The following RPSA2 variants were observed in gnomAD, a reference collection of about 807,000 sequenced individuals.
RPSA2 encodes ribosomal protein SA 2.
At chr19:23,777,801 C>T in the RPSA2 span, among the ~76,000 whole-genome samples, 1 of 152,140 alleles carries the variant, frequency 6.6e-6, no homozygotes, top group African/African-American at 2.4e-5. Flanking sequence ...GCCCTGTCTA[C>T]TTAGGCTATT....
the RPSA2 span, among the ~76,000 whole-genome samples, chr19:23,847,546 A>T: frequency 6.6e-6 from 1 of 152,212 alleles, no homozygotes; most frequent in African/African-American, 2.4e-5. Flanking sequence ...AACAGGGAGT[A>T]GGTCACAAAG....
the RPSA2 span, among the ~76,000 whole-genome samples, chr19:23,835,100 A>G: frequency 2.6e-5 from 4 of 152,096 alleles, no homozygotes; most frequent in East Asian, 1.9e-4. Context: ...TTTAATGTAC[A>G]ATTAAATTGT....
the RPSA2 span, among the ~76,000 whole-genome samples, chr19:23,865,768 T>G: frequency 8.5e-5 from 13 of 152,188 alleles, no homozygotes; most frequent in Non-Finnish European, 1.8e-4. Flanking sequence ...CCTATTACCA[T>G]AAGGCTTGAT....
the RPSA2 span, chr19:23,818,020 TG>T: frequency 1.1e-4 from 16 of 152,272 alleles, no homozygotes; most frequent in African/African-American, 3.6e-4. Flanking sequence ...CATTGCTCTA[TG>T]GGAGGAGAGG....
chr19:23,774,200 C>T, the RPSA2 span, among the ~76,000 whole-genome samples: 1 of 152,192 alleles, frequency 6.6e-6, no homozygotes, highest in Admixed American at 6.5e-5. Flanking sequence ...CTCTGGGCCC[C>T]ACACCCAGGT....
the RPSA2 span, chr19:23,762,995 G>C: frequency 6.6e-6 from 1 of 152,308 alleles, no homozygotes; most frequent in African/African-American, 2.4e-5. Context: ...TTTACCTCTT[G>C]CTCCCGCCAG....
the RPSA2 span, among the ~76,000 whole-genome samples, chr19:23,844,315 A>G: frequency 5.9e-5 from 9 of 152,094 alleles, no homozygotes; most frequent in African/African-American, 1.7e-4. Context: ...TCTTGTATGT[A>G]TGGTTTGCTA....
chr19:23,768,817 A>G, the RPSA2 span, among the ~76,000 whole-genome samples: 1 of 150,740 alleles, frequency 6.6e-6, no homozygotes, highest in Non-Finnish European at 1.5e-5. Flanking sequence ...CAAACTCCTG[A>G]CCTCAGCCAA....
the RPSA2 span, chr19:23,807,966 CT>C: frequency 3.8e-6 from 1 of 265,880 alleles, no homozygotes; most frequent in Non-Finnish European, 8.0e-6. Flanking sequence ...TACAAAATTC[CT>C]TATATAAACT....
the RPSA2 span, among the ~76,000 whole-genome samples, chr19:23,777,479 C>G: frequency 6.6e-6 from 1 of 152,062 alleles, no homozygotes; most frequent in African/African-American, 2.4e-5. Flanking sequence ...GGTGATGTAA[C>G]TCACCTTTAT....
chr19:23,788,448 A>G, the RPSA2 span, among the ~76,000 whole-genome samples: 1 of 151,872 alleles, frequency 6.6e-6, no homozygotes, highest in Non-Finnish European at 1.5e-5. Flanking sequence ...GTGATGTATC[A>G]CTTGGCCCAG....
chr19:23,792,202 C>T, the RPSA2 span, among the ~76,000 whole-genome samples: 2 of 152,104 alleles, frequency 1.3e-5, no homozygotes, highest in Admixed American at 1.3e-4. Flanking sequence ...TTTCACAAAC[C>T]AAGTTAATAA....
At chr19:23,860,538 T>C in the RPSA2 span, among the ~76,000 whole-genome samples, 1 of 152,130 alleles carries the variant, frequency 6.6e-6, no homozygotes, top group Non-Finnish European at 1.5e-5. Flanking sequence ...ATTATATCCA[T>C]CTTTGCAGTT....
the RPSA2 span, among the ~76,000 whole-genome samples, chr19:23,786,631 G>T: frequency 6.6e-6 from 1 of 152,062 alleles, no homozygotes. Flanking sequence ...CTGGGACTGC[G>T]TGCAGGGGAC....
At chr19:23,821,455 T>C in the RPSA2 span, among the ~76,000 whole-genome samples, 1 of 152,242 alleles carries the variant, frequency 6.6e-6, no homozygotes, top group Non-Finnish European at 1.5e-5. Flanking sequence ...TTGATTTGTT[T>C]AAATGCCTTT....
chr19:23,835,008 C>T, the RPSA2 span, among the ~76,000 whole-genome samples: 1 of 152,022 alleles, frequency 6.6e-6, no homozygotes, highest in African/African-American at 2.4e-5. Context: ...ATGATAATCA[C>T]ATTAGAGGAA....
At chr19:23,779,194 G>T in the RPSA2 span, among the ~76,000 whole-genome samples, 2 of 151,704 alleles carry the variant, frequency 1.3e-5, no homozygotes, top group Non-Finnish European at 2.9e-5. Context: ...TAGAGGCGGG[G>T]TTTCACTGTG....
At chr19:23,794,665 G>A in the RPSA2 span, among the ~76,000 whole-genome samples, 2 of 152,020 alleles carry the variant, frequency 1.3e-5, no homozygotes, top group Non-Finnish European at 2.9e-5. Context: ...AGTTTCCTTT[G>A]CTGTGAAGAA....
chr19:23,795,189 GTTT>G, the RPSA2 span, among the ~76,000 whole-genome samples: 54,098 of 145,978 alleles, frequency 0.37, 10,105 homozygotes, highest in Middle Eastern at 0.43. Flanking sequence ...TTTTACAATA[GTTT>G]TTTTTTTTTT....
Sources: gnomAD v4.1 joint callset for allele counts (sites outside exome capture counted in the v4.1 genomes callset) on GRCh38, gnomAD v4.1.1 for gene constraint, MANE v1.5 for transcripts, NCBI Gene and HGNC (gene_info 2026-07-23, HGNC 2026-07-21) for gene names.